ZDHHC15: variants seen among roughly 807,000 people sequenced by gnomAD.
ZDHHC15 encodes the protein palmitoyltransferase ZDHHC15.
A neutral mutation model predicts 31.7 loss-of-function variants in ZDHHC15; 19 were observed. The ratio of observed to expected loss-of-function variants is 0.60; its 90% confidence interval spans 0.42 to 0.88. The LOEUF (loss-of-function observed/expected upper bound fraction) is 0.88. Ranked by LOEUF, ZDHHC15 falls within the 40% of genes least tolerant of loss-of-function variation. ZDHHC15 has a pLI of 0.00. For missense variants in ZDHHC15, 209 were observed against 251.2 expected (o/e 0.83, Z 1.14); for synonymous variants, 103 against 90.0 (o/e 1.14, Z -0.82).
intron 2 of ZDHHC15, among the ~76,000 whole-genome samples, chrX:75,494,285 G>C (rs1427827628): frequency 1.8e-5 from 2 of 111,237 alleles, no homozygotes; most frequent in Non-Finnish European, 3.8e-5. Flanking sequence ...AATAAAAGAG[G>C]ATACAAACAA....
chrX:75,386,647 T>C (rs980752575), intron 10 of ZDHHC15, among the ~76,000 whole-genome samples: 2 of 111,069 alleles, frequency 1.8e-5, no homozygotes, highest in African/African-American at 6.5e-5. Flanking sequence ...AGTTAATTTT[T>C]GTAGTTTTTC....
chrX:75,450,952 A>G lies in ZDHHC15; in HGVS notation c.259-30T>C, dbSNP rs145754615. 1,519 of 1,188,376 alleles carry G rather than the reference A, an allele frequency of 1.3e-3. 10 individuals carry two copies. The African/African-American group carries it at 0.023, about 18-fold the overall frequency. On this transcript the variant is annotated intron_variant, in intron 3 of 11. Coordinates refer to ENST00000373367, the MANE Select transcript of ZDHHC15 (RefSeq NM_144969.3). The stretch of plus-strand genomic sequence containing the variant: ...AAGCAGGAGTGAAAGGTAAGACTTT[A>G]TTATCTAAAGTTAATAGAAAAGATT...
intron 3 of ZDHHC15, among the ~76,000 whole-genome samples, chrX:75,458,803 C>T (rs1377092779): frequency 9.2e-6 from 1 of 109,188 alleles, no homozygotes; most frequent in Non-Finnish European, 1.9e-5. Flanking sequence ...TGGGAGGGGC[C>T]TAGATGGCTG....
chrX:75,445,035 A>G (rs993003789), intron 4 of ZDHHC15, among the ~76,000 whole-genome samples: 1 of 110,204 alleles, frequency 9.1e-6, no homozygotes, highest in African/African-American at 3.3e-5. Flanking sequence ...TCAAAGTAGG[A>G]CTACACCATC....
intron 4 of ZDHHC15, among the ~76,000 whole-genome samples, chrX:75,436,526 G>C (rs1050117669): frequency 9.0e-6 from 1 of 111,519 alleles, no homozygotes; most frequent in African/African-American, 3.3e-5. Context: ...GTTTTGATAG[G>C]TTGTGTTACT....
intron 2 of ZDHHC15, among the ~76,000 whole-genome samples, chrX:75,492,264 C>T (rs1187424182): frequency 9.0e-6 from 1 of 111,419 alleles, no homozygotes; most frequent in Non-Finnish European, 1.9e-5. Context: ...AATACAGGAG[C>T]ACCCAGATTC....
intron 8 of ZDHHC15, 105 bp downstream of exon 8, chrX:75,424,547 C>T: frequency 1.2e-6 from 1 of 851,528 alleles, no homozygotes; most frequent in South Asian, 3.9e-5. Flanking sequence ...AGAGGGATGT[C>T]ACTGCAGCTA....
At chrX:75,488,731 A>T (rs752088479) in intron 2 of ZDHHC15, among the ~76,000 whole-genome samples, 357 of 111,851 alleles carry the variant, frequency 3.2e-3, no homozygotes, top group Non-Finnish European at 5.7e-3. Context: ...CTCACTGGGG[A>T]GTGTCGGAAA....
At chrX:75,487,249 T>C (rs1487123980) in intron 2 of ZDHHC15, among the ~76,000 whole-genome samples, 1 of 111,903 alleles carries the variant, frequency 8.9e-6, no homozygotes, top group Admixed American at 9.4e-5. Flanking sequence ...TAAACAAAAA[T>C]ATAAGCAAGG....
At chrX:75,463,595 C>CAACAA (rs1482756537) in intron 3 of ZDHHC15, among the ~76,000 whole-genome samples, 1 of 110,485 alleles carries the variant, frequency 9.1e-6, no homozygotes, top group African/African-American at 3.3e-5. Context: ...ACAACAACAA[C>CAACAA]AACAACAACA....
intron 3 of ZDHHC15, among the ~76,000 whole-genome samples, chrX:75,470,599 C>T (rs766853525): frequency 1.8e-4 from 20 of 111,171 alleles, no homozygotes; most frequent in African/African-American, 6.5e-4. Flanking sequence ...GCTGATGATT[C>T]CAGGCAAGCA....
rs1246757280 is a variant in ZDHHC15, at chrX:75,370,415, T to C, written c.*2563A>G. The C allele has an allele frequency of 9.0e-6, 1 of 111,025 alleles. No individual in the cohort carries two copies. The highest frequency in any genetic ancestry group is 3.3e-5 in the African/African-American group (1 of 30,473). 9.1% of individuals were successfully genotyped at this position (111,025 alleles called of 1,213,427 possible). Reference sequence around the variant, plus strand: ...CATTAGTCAATACTCAAATGATCCATGGATAGGGATATTATCAGAGTCTAT... The same window carrying C: ...CATTAGTCAATACTCAAATGATCCACGGATAGGGATATTATCAGAGTCTAT... On this transcript the variant is annotated 3_prime_UTR_variant, in exon 12 of 12. Coordinates refer to ENST00000373367, the MANE Select transcript of ZDHHC15 (RefSeq NM_144969.3).
chrX:75,495,486 G>GT (rs1357417618), intron 2 of ZDHHC15, among the ~76,000 whole-genome samples: 1 of 110,749 alleles, frequency 9.0e-6, no homozygotes, highest in Non-Finnish European at 1.9e-5. Flanking sequence ...GCACACGTAT[G>GT]TTTATTGCGG....
At chrX:75,422,695 G>GT (rs2083660672) in intron 8 of ZDHHC15, among the ~76,000 whole-genome samples, 1 of 111,422 alleles carries the variant, frequency 9.0e-6, no homozygotes, top group Admixed American at 9.6e-5. Context: ...GCTTTTAGTG[G>GT]TTTTCCACTT....
chrX:75,410,562 C>G (rs2083473730), intron 10 of ZDHHC15, among the ~76,000 whole-genome samples: 1 of 111,456 alleles, frequency 9.0e-6, no homozygotes, highest in African/African-American at 3.3e-5. Flanking sequence ...ACCATGTAAT[C>G]CTTGTTAAAA....
At chrX:75,494,673 G>A (rs1602730645) in intron 2 of ZDHHC15, among the ~76,000 whole-genome samples, 2 of 112,253 alleles carry the variant, frequency 1.8e-5, no homozygotes, top group Admixed American at 1.9e-4. Context: ...ACAAAAACAG[G>A]AAATTGGAAA....
At chrX:75,449,198 CT>C (rs1161211728) in intron 4 of ZDHHC15, among the ~76,000 whole-genome samples, 10 of 9,209 alleles carry the variant, frequency 1.1e-3, no homozygotes, top group East Asian at 0.022. Context: ...CTCTCTCTCT[CT>C]ATACACACAC....
rs35992807 is a variant in ZDHHC15, at chrX:75,457,645, T to TCACACACACACACA, written c.259-6737_259-6724dup. Reference sequence around the variant, plus strand: ...GCATGTATTAAAGTTTTATTTACACTCACACACACACACACACACACACAC... The same window carrying TCACACACACACACA: ...GCATGTATTAAAGTTTTATTTACACTCACACACACACACACACACACACACACACACACACACAC... On this transcript the variant is annotated intron_variant, in intron 3 of 11. Transcript: ENST00000373367. Among the ~76,000 whole-genome samples, 35 of 93,931 alleles carry TCACACACACACACA rather than the reference T, an allele frequency of 3.7e-4. 1 individual carries two copies. The highest frequency in any genetic ancestry group is 1.3e-3 in the African/African-American group (34 of 26,038). The allele number at this position is 93,931 out of a possible 115,157, so 81.6% of individuals were successfully genotyped here.
chrX:75,443,153 A>G (rs1402243341), intron 4 of ZDHHC15, among the ~76,000 whole-genome samples: 4 of 110,793 alleles, frequency 3.6e-5, no homozygotes, highest in African/African-American at 1.3e-4. Context: ...CTGCATTGCC[A>G]AGTCAATCCT....
Sources: gnomAD v4.1 joint callset for allele counts (sites outside exome capture counted in the v4.1 genomes callset) on GRCh38, gnomAD v4.1.1 for gene constraint, MANE v1.5 for transcripts, NCBI Gene and HGNC (gene_info 2026-07-23, HGNC 2026-07-21) for gene names.